The following CSGALNACT1 variants were observed in gnomAD, a reference collection of about 807,000 sequenced individuals.
CSGALNACT1 encodes beta4GalNAcT-1.
A neutral mutation model predicts 51.0 loss-of-function variants in CSGALNACT1; 52 were observed. The observed-to-expected ratio is 1.02, with a 90% CI of 0.82 to 1.29. The LOEUF (loss-of-function observed/expected upper bound fraction) is 1.29. CSGALNACT1 is among the 50% of genes most tolerant of loss of function. The pLI is 0.00. For missense variants in CSGALNACT1, 935 were observed against 679.2 expected (o/e 1.38, Z -4.19); for synonymous variants, 341 against 254.4 (o/e 1.34, Z -3.24).
chr8:19,464,472 C>T (rs1051245708), intron 4 of CSGALNACT1, among the ~76,000 whole-genome samples: 1 of 152,134 alleles, frequency 6.6e-6, no homozygotes, highest in African/African-American at 2.4e-5. Flanking sequence ...CTTGTTCTTG[C>T]CTTTTACAAA....
At chr8:19,629,624 G>A (rs1456638622) in intron 1 of CSGALNACT1, among the ~76,000 whole-genome samples, 1 of 152,148 alleles carries the variant, frequency 6.6e-6, no homozygotes, top group Non-Finnish European at 1.5e-5. Flanking sequence ...TTTGACACCA[G>A]CCCCCTACTC....
At chr8:19,632,595 G>A (rs990815964) in intron 1 of CSGALNACT1, among the ~76,000 whole-genome samples, 5 of 152,284 alleles carry the variant, frequency 3.3e-5, no homozygotes, top group South Asian at 2.1e-4. Flanking sequence ...TATCTACAGC[G>A]ATCACTGCAG....
In CSGALNACT1 at chr8:19,662,074, ACC is replaced by A. The variant is rs1159242984; in HGVS notation, c.-544+20397_-544+20398del. The stretch of plus-strand genomic sequence containing the variant: ...ATTACAGTTGCCCCCACCCCCCCCC[ACC>A]CCCCCCCCCCCCCGCATCTTCAGCA... On this transcript the variant is annotated intron_variant, in intron 1 of 9. Transcript: ENST00000332246. 3.4e-3 allele frequency among the ~76,000 whole-genome samples: 118 copies of A among 35,010 alleles called. 2 individuals are homozygous for A. Among genetic ancestry groups the A allele is most frequent in the Non-Finnish European group, 4.7e-3 (86 of 18,420 alleles). The allele number at this position is 35,010 out of a possible 152,430, so 23.0% of individuals were successfully genotyped here.
chr8:19,711,563 T>G (rs73202504), intron 1 of CSGALNACT1, among the ~76,000 whole-genome samples: 1,818 of 152,308 alleles, frequency 0.012, 20 homozygotes, highest in Non-Finnish European at 0.018. Flanking sequence ...TCAGCATTAT[T>G]ATCCATGTAA....
intron 1 of CSGALNACT1, among the ~76,000 whole-genome samples, chr8:19,741,206 A>T (rs995791098): frequency 6.6e-6 from 1 of 152,234 alleles, no homozygotes; most frequent in Non-Finnish European, 1.5e-5. Flanking sequence ...AAACCATCAC[A>T]GAGTTGGTCA....
chr8:19,515,810 C>A (rs1264897412), intron 3 of CSGALNACT1, among the ~76,000 whole-genome samples: 1 of 152,094 alleles, frequency 6.6e-6, no homozygotes, highest in Non-Finnish European at 1.5e-5. Context: ...ACCGTCTAGT[C>A]CCATTCCTTA....
Position 19,514,491 on chromosome 8 carries a change from A to G in CSGALNACT1, c.-296-8361T>C, listed in dbSNP as rs1189780540. Among the ~76,000 whole-genome samples the G allele has an allele frequency of 7.6e-3, 673 of 88,050 alleles. 24 individuals are homozygous for G. The highest frequency in any genetic ancestry group is 0.013 in the Non-Finnish European group (530 of 39,526). The allele number at this position is 88,050 out of a possible 152,430, so 57.8% of individuals were successfully genotyped here. A position where few individuals can be genotyped will look rare whatever the true frequency, so the allele number is the denominator to read the frequency against. On this transcript the variant is annotated intron_variant, in intron 3 of 9. Coordinates refer to ENST00000454498, the Ensembl canonical transcript of CSGALNACT1. ...GAACAGAGACTATATATATATATAT[A>G]TATATATATATATATATATACATGT... is the stretch of plus-strand genomic sequence containing the variant.
At chr8:19,551,527 A>G (rs2088086137) in intron 3 of CSGALNACT1, among the ~76,000 whole-genome samples, 1 of 152,170 alleles carries the variant, frequency 6.6e-6, no homozygotes, top group African/African-American at 2.4e-5. Context: ...CACTGGCAAT[A>G]AACTTCTCTC....
At chr8:19,413,816 C>G (rs958347028) in intron 8 of CSGALNACT1, among the ~76,000 whole-genome samples, 12 of 152,240 alleles carry the variant, frequency 7.9e-5, no homozygotes, top group African/African-American at 2.6e-4. Context: ...AAGGAGGTGG[C>G]CTTGAGGAGC....
chr8:19,528,053 G>C (rs938041983), intron 3 of CSGALNACT1, among the ~76,000 whole-genome samples: 1 of 152,128 alleles, frequency 6.6e-6, no homozygotes, highest in South Asian at 2.1e-4. Context: ...AAAGCAGCTG[G>C]AGAAGGAACT....
intron 3 of CSGALNACT1, among the ~76,000 whole-genome samples, chr8:19,539,509 G>T (rs1396137144): frequency 1.3e-5 from 2 of 152,138 alleles, no homozygotes; most frequent in Non-Finnish European, 2.9e-5. Context: ...TTGACTGGAA[G>T]GGAATTTAAA....
chr8:19,557,827 G>T (rs1372606166), intron 3 of CSGALNACT1, among the ~76,000 whole-genome samples: 1 of 152,128 alleles, frequency 6.6e-6, no homozygotes, highest in Non-Finnish European at 1.5e-5. Context: ...CATGAGGAAG[G>T]AACTTCGTTT....
chr8:19,485,491 G>A (rs1034362183), intron 4 of CSGALNACT1, among the ~76,000 whole-genome samples: 2 of 152,238 alleles, frequency 1.3e-5, no homozygotes, highest in South Asian at 2.1e-4. Context: ...TAATGGGATA[G>A]GAGATAGGAC....
At chr8:19,671,259 C>T (rs139960597) in intron 1 of CSGALNACT1, among the ~76,000 whole-genome samples, 63 of 152,258 alleles carry the variant, frequency 4.1e-4, no homozygotes, top group African/African-American at 1.5e-3. Flanking sequence ...AGATGGCCCT[C>T]GACAATATTC....
intron 8 of CSGALNACT1, among the ~76,000 whole-genome samples, chr8:19,416,109 C>CTTTTTTTTT (rs34491658): frequency 1.7e-5 from 2 of 116,714 alleles, no homozygotes; most frequent in Non-Finnish European, 3.4e-5. Flanking sequence ...GAAATGAAAA[C>CTTTTTTTTT]TTTTTTTTTT....
chr8:19,610,024 T>C (rs760129217), intron 1 of CSGALNACT1, among the ~76,000 whole-genome samples: 2 of 151,708 alleles, frequency 1.3e-5, no homozygotes, highest in East Asian at 1.9e-4. Flanking sequence ...TTCAAGACGA[T>C]CAGCCTGGCT....
At chr8:19,626,348 T>C (rs2054455277) in intron 1 of CSGALNACT1, among the ~76,000 whole-genome samples, 1 of 151,884 alleles carries the variant, frequency 6.6e-6, no homozygotes, top group Non-Finnish European at 1.5e-5. Context: ...TTTCAAGAAA[T>C]GGTGTCGGAA....
intron 1 of CSGALNACT1, among the ~76,000 whole-genome samples, chr8:19,707,916 G>C (rs2062270581): frequency 6.6e-6 from 1 of 152,178 alleles, no homozygotes; most frequent in African/African-American, 2.4e-5. Context: ...CTGGAGAATC[G>C]CTTGAACCCA....
chr8:19,592,225 C>A (rs759987729), intron 2 of CSGALNACT1, among the ~76,000 whole-genome samples: 26 of 152,254 alleles, frequency 1.7e-4, no homozygotes, highest in Admixed American at 5.2e-4. Flanking sequence ...AGTCAATTTA[C>A]AAAACCAGAA....
Sources: gnomAD v4.1 joint callset for allele counts (sites outside exome capture counted in the v4.1 genomes callset) on GRCh38, gnomAD v4.1.1 for gene constraint, MANE v1.5 for transcripts, NCBI Gene and HGNC (gene_info 2026-07-23, HGNC 2026-07-21) for gene names.